ZNF529: variants seen among roughly 807,000 people sequenced by gnomAD.
ZNF529 encodes zinc finger protein 529.
A neutral mutation model predicts 10.1 loss-of-function variants in ZNF529; 11 were observed. The observed-to-expected ratio is 1.09, with a 90% CI of 0.69 to 1.81. ZNF529 has a LOEUF of 1.81. Ranked by LOEUF, ZNF529 falls within the 40% of genes most tolerant of loss-of-function variation. ZNF529 has a pLI of 0.00. For synonymous variants in ZNF529, 204 were observed against 215.7 expected (o/e 0.95, Z 0.47); for missense variants, 624 against 666.8 (o/e 0.94, Z 0.71).
intron 2 of ZNF529, among the ~76,000 whole-genome samples, chr19:36,587,082 T>C (rs2036595855): frequency 6.6e-6 from 1 of 152,020 alleles, no homozygotes; most frequent in African/African-American, 2.4e-5. Flanking sequence ...CTGGCCAACA[T>C]GGTGAAACCC....
intron 1 of ZNF529, among the ~76,000 whole-genome samples, chr19:36,598,086 G>A (rs976894256): frequency 2.6e-5 from 4 of 152,324 alleles, no homozygotes; most frequent in Middle Eastern, 3.4e-3. Flanking sequence ...GTCAGGTCAC[G>A]AGAGCTGCAC....
intron 2 of ZNF529, among the ~76,000 whole-genome samples, chr19:36,588,273 C>T (rs1250339522): frequency 6.6e-6 from 1 of 152,146 alleles, no homozygotes; most frequent in African/African-American, 2.4e-5. Context: ...TAATGTGTCT[C>T]ATGCCTTAAG....
intron 1 of ZNF529, among the ~76,000 whole-genome samples, chr19:36,601,400 G>A (rs555493436): frequency 8.4e-4 from 127 of 152,016 alleles, no homozygotes; most frequent in African/African-American, 3.0e-3. Flanking sequence ...CACTGCGCCC[G>A]GCCACAAGTG....
chr19:36,583,292 A>C (rs1303389763), intron 2 of ZNF529, among the ~76,000 whole-genome samples: 5 of 152,188 alleles, frequency 3.3e-5, no homozygotes, highest in African/African-American at 1.2e-4. Context: ...CCTGGGCTCA[A>C]GAAATCCTCC....
intron 2 of ZNF529, among the ~76,000 whole-genome samples, chr19:36,571,701 G>A (rs1038908266): frequency 6.0e-5 from 9 of 150,224 alleles, no homozygotes; most frequent in African/African-American, 2.2e-4. Flanking sequence ...AGTGTCTAAT[G>A]GAAATTTTTA....
At chr19:36,577,021 T>C (rs2036339014), upstream of ZNF529, 1 of 296,640 alleles carries the variant, frequency 3.4e-6, no homozygotes, top group Non-Finnish European at 6.8e-6. Context: ...GGCACAATCT[T>C]GGCTCACTGC....
At position 36,572,406 on chromosome 19, in the gene ZNF529, A is replaced by T; in HGVS notation, c.-46-14T>A. Reference sequence around the variant, plus strand: ...TCACTTGCAGAACTACATAACCAAGAGGGAGAAAGGACTCATGACATCCTG... The same window carrying T: ...TCACTTGCAGAACTACATAACCAAGTGGGAGAAAGGACTCATGACATCCTG... On this transcript the variant is annotated splice_polypyrimidine_tract_variant and intron_variant, in intron 1 of 4. Coordinates refer to ENST00000591340, the MANE Select transcript of ZNF529 (RefSeq NM_020951.5). 1.3e-6 allele frequency: 2 copies of T among 1,543,160 alleles called. No homozygotes were observed. The highest frequency in any genetic ancestry group is 1.8e-6 in the Non-Finnish European group (2 of 1,140,098).
At chr19:36,565,701 A>G (rs2035870148) in intron 2 of ZNF529, among the ~76,000 whole-genome samples, 1 of 152,170 alleles carries the variant, frequency 6.6e-6, no homozygotes, top group Non-Finnish European at 1.5e-5. Flanking sequence ...CTCTGTCTCA[A>G]AAAAAAGAAA....
intron 1 of ZNF529, 25 bp from the exon 2 acceptor site, chr19:36,572,417 A>C: frequency 6.6e-7 from 1 of 1,522,998 alleles, no homozygotes; most frequent in South Asian, 1.2e-5. Flanking sequence ...GGGAGAAAGG[A>C]CTCATGACAT....
At chr19:36,578,291 CTTTTTTTTTTTTTTTT>C (rs1159725232), upstream of ZNF529, among the ~76,000 whole-genome samples, 590 of 31,828 alleles carry the variant, frequency 0.019, 10 homozygotes, top group African/African-American at 0.062. Context: ...GTCTTGATCT[CTTTTTTTTTTTTTTTT>C]TTTTTTTTTT....
At chr19:36,599,136 A>G (rs939026892) in intron 1 of ZNF529, among the ~76,000 whole-genome samples, 7 of 152,180 alleles carry the variant, frequency 4.6e-5, no homozygotes, top group South Asian at 2.1e-4. Flanking sequence ...ATTAACATCA[A>G]TTCTGTTATC....
At chr19:36,548,789 G>A (rs562113196) in intron 4 of ZNF529, among the ~76,000 whole-genome samples, 40 of 152,338 alleles carry the variant, frequency 2.6e-4, no homozygotes, top group African/African-American at 1.4e-4. Context: ...GGGAGGGCAA[G>A]GTGGGTGGGT....
At position 36,546,949 on chromosome 19, in the gene ZNF529, T is replaced by A; in HGVS notation, c.1609A>T (p.Lys537Ter). The A allele has an allele frequency of 6.2e-7, 1 of 1,613,908 alleles. No individual in the cohort carries two copies. The highest frequency in any genetic ancestry group is 1.1e-5 in the South Asian group (1 of 91,072). The change falls in exon 5 of 5, where the codon AAG becomes TAG. Residue 537 changes from lysine to a stop codon, truncating the protein, a stop_gained. Coordinates refer to ENST00000591340, the MANE Select transcript of ZNF529 (RefSeq NM_020951.5). LOFTEE classifies it low-confidence loss of function (END_TRUNC). The part of the protein sequence containing the change: ...IHTDDKPYEC[K>*]ECGNSFSVVG... The stretch of plus-strand genomic sequence containing the variant: ...ACACTAAAGGAATTCCCACACTCCT[T>A]ACATTCATAGGGTTTATCATCAGTA...
chr19:36,552,163 G>A (rs1326329217), intron 4 of ZNF529, among the ~76,000 whole-genome samples: 1 of 152,060 alleles, frequency 6.6e-6, no homozygotes, highest in Non-Finnish European at 1.5e-5. Context: ...GGGTGCAGTG[G>A]CTTACACCTG....
At chr19:36,548,529 TTG>T (rs1213889273) in intron 4 of ZNF529, among the ~76,000 whole-genome samples, 3 of 152,200 alleles carry the variant, frequency 2.0e-5, no homozygotes, top group Non-Finnish European at 4.4e-5. Flanking sequence ...GATCTGAAAT[TTG>T]TGTGTTGGTC....
upstream of ZNF529, among the ~76,000 whole-genome samples, chr19:36,573,791 G>A (rs1025725315): frequency 2.0e-5 from 3 of 152,324 alleles, no homozygotes; most frequent in Non-Finnish European, 4.4e-5. Context: ...GCCTGAAGCG[G>A]GTACAGCCTT....
At chr19:36,604,405 A>C (rs576493167) in intron 1 of ZNF529, among the ~76,000 whole-genome samples, 6 of 152,262 alleles carry the variant, frequency 3.9e-5, no homozygotes, top group African/African-American at 1.4e-4. Flanking sequence ...TCTTTTCGAT[A>C]GCCATTTGAC....
chr19:36,580,164 C>T (rs2036431262), intron 2 of ZNF529: 1 of 152,086 alleles, frequency 6.6e-6, no homozygotes, highest in Admixed American at 6.5e-5. Context: ...ATGTCGTCTT[C>T]AGGATTAAAA....
At chr19:36,574,294 T>G (rs1179538220), upstream of ZNF529, among the ~76,000 whole-genome samples, 1 of 152,200 alleles carries the variant, frequency 6.6e-6, no homozygotes, top group African/African-American at 2.4e-5. Context: ...GATTATTTGA[T>G]TGGCAATGGG....
Sources: allele counts gnomAD v4.1 joint callset (sites outside exome capture counted in the v4.1 genomes callset), GRCh38; gene constraint gnomAD v4.1.1; transcripts MANE v1.5; gene names NCBI Gene and HGNC (gene_info 2026-07-23, HGNC 2026-07-21).